The following CIMIP2A variants were observed in gnomAD, a reference collection of about 807,000 sequenced individuals.
The protein encoded by CIMIP2A is ciliary microtubule inner protein 2A.
At chr9:137,252,431 C>G in the CIMIP2A span, 1 of 1,609,048 alleles carries the variant, frequency 6.2e-7, no homozygotes, top group Non-Finnish European at 8.5e-7. Flanking sequence ...CATCCTCCAA[C>G]TACAGAGGGC....
the CIMIP2A span, among the ~76,000 whole-genome samples, chr9:137,247,474 C>G: frequency 6.6e-6 from 1 of 152,242 alleles, no homozygotes; most frequent in Non-Finnish European, 1.5e-5. Context: ...CTGGCAACCC[C>G]ATCCCTGAGC....
chr9:137,245,534 C>G, the CIMIP2A span: 4 of 1,613,872 alleles, frequency 2.5e-6, no homozygotes, highest in Admixed American at 1.7e-5. Context: ...CCCAGAATCT[C>G]AAAGTTCTTA....
the CIMIP2A span, chr9:137,252,416 C>T: frequency 5.0e-6 from 8 of 1,603,836 alleles, no homozygotes; most frequent in Non-Finnish European, 6.8e-6. Context: ...AGCCTTCTCT[C>T]TCTCCATCCT....
At chr9:137,252,202 C>T in the CIMIP2A span, 2 of 1,551,818 alleles carry the variant, frequency 1.3e-6, no homozygotes, top group South Asian at 2.4e-5. Context: ...GGGGCCTTTG[C>T]CTCTGTGCTG....
chr9:137,252,953 T>C, the CIMIP2A span: 1 of 1,593,886 alleles, frequency 6.3e-7, no homozygotes, highest in Non-Finnish European at 8.5e-7. Context: ...GTTCACCTCC[T>C]GGCTCAGCAC....
chr9:137,245,930 T>A, the CIMIP2A span: 3 of 1,232,888 alleles, frequency 2.4e-6, no homozygotes, highest in African/African-American at 4.5e-5. Context: ...TCAAGCCAGA[T>A]GTGGATTCAG....
the CIMIP2A span, chr9:137,247,754 C>T: frequency 1.6e-5 from 25 of 1,598,780 alleles, no homozygotes; most frequent in African/African-American, 2.7e-5. Context: ...CAGTCCCTCC[C>T]GGCATCCAGC....
chr9:137,247,899 A>G, the CIMIP2A span: 1 of 616,794 alleles, frequency 1.6e-6, no homozygotes. Flanking sequence ...AGGCCCAGAC[A>G]GGTGCCAGGC....
the CIMIP2A span, among the ~76,000 whole-genome samples, chr9:137,248,884 AC>A: frequency 6.6e-6 from 1 of 152,236 alleles, no homozygotes; most frequent in Admixed American, 6.5e-5. Flanking sequence ...AAACAAAAAA[AC>A]AACTAAAAGG....
the CIMIP2A span, chr9:137,244,146 A>G: frequency 7.4e-4 from 1,189 of 1,610,732 alleles, 1 homozygote; most frequent in Non-Finnish European, 9.6e-4. Flanking sequence ...GGGTGTGTCC[A>G]TGTGACCCTG....
the CIMIP2A span, among the ~76,000 whole-genome samples, chr9:137,248,965 C>T: frequency 6.6e-5 from 10 of 151,528 alleles, no homozygotes; most frequent in South Asian, 4.2e-4. Flanking sequence ...ATAAAAAGCT[C>T]TCACAAAACA....
At chr9:137,243,621 T>C in the CIMIP2A span, 12 of 1,612,706 alleles carry the variant, frequency 7.4e-6, no homozygotes, top group Non-Finnish European at 9.3e-6. Context: ...CAGCCTGTCC[T>C]GTGGCCTGTC....
chr9:137,251,119 G>C, the CIMIP2A span: 3 of 631,708 alleles, frequency 4.7e-6, no homozygotes, highest in African/African-American at 1.8e-5. Flanking sequence ...AGGCGGACCC[G>C]CTGATCATCT....
At chr9:137,245,884 G>A in the CIMIP2A span, 63 of 1,470,804 alleles carry the variant, frequency 4.3e-5, no homozygotes, top group Non-Finnish European at 5.7e-5. Flanking sequence ...GGCAGGGCAG[G>A]TCTCAAGGGC....
At chr9:137,248,416 G>A in the CIMIP2A span, among the ~76,000 whole-genome samples, 18 of 152,016 alleles carry the variant, frequency 1.2e-4, no homozygotes, top group South Asian at 2.1e-4. Flanking sequence ...GGTGGCGTGC[G>A]CCTGTAGTCC....
At chr9:137,252,150 C>T in the CIMIP2A span, 1 of 1,598,772 alleles carries the variant, frequency 6.3e-7, no homozygotes, top group African/African-American at 1.3e-5. Flanking sequence ...GTGTCCCCTC[C>T]CTGAGGCCCA....
chr9:137,252,678 A>G, the CIMIP2A span: 1 of 1,548,924 alleles, frequency 6.5e-7, no homozygotes, highest in Non-Finnish European at 8.7e-7. Context: ...TCGCCAGCCC[A>G]CTACCAGCTG....
chr9:137,245,282 T>C, the CIMIP2A span: 1 of 1,577,680 alleles, frequency 6.3e-7, no homozygotes, highest in East Asian at 2.2e-5. Context: ...GGAATGGGCT[T>C]GGCACTGGTG....
At chr9:137,247,548 C>T in the CIMIP2A span, 216 of 1,005,906 alleles carry the variant, frequency 2.1e-4, no homozygotes, top group African/African-American at 3.2e-3. Flanking sequence ...CCTTCAGTTT[C>T]CTGGGGTCCA....
Sources: allele counts gnomAD v4.1 joint callset (sites outside exome capture counted in the v4.1 genomes callset), GRCh38; gene constraint gnomAD v4.1.1; transcripts MANE v1.5; gene names NCBI Gene and HGNC (gene_info 2026-07-23, HGNC 2026-07-21).